Variants in SH3PXD2B observed in about 807,000 individuals in gnomAD.
The protein encoded by SH3PXD2B is SH3 and PX domains 2B.
A neutral mutation model predicts 73.1 loss-of-function variants in SH3PXD2B; 37 were observed. The ratio of observed to expected loss-of-function variants is 0.51; its 90% CI spans 0.39 to 0.67. The LOEUF is 0.67. Among genes scored for constraint, SH3PXD2B ranks in the 30% least tolerant of loss-of-function variants. The pLI, the probability that SH3PXD2B is intolerant of heterozygous loss-of-function variation, is 0.00. For synonymous variants in SH3PXD2B, 457 were observed against 480.5 expected, an observed-to-expected ratio of 0.95 and a Z score of 0.64; for missense variants, 1,053 against 1,197.8, an observed-to-expected ratio of 0.88 and a Z score of 1.78.
At chr5:172,413,207 TCC>T in intron 2 of SH3PXD2B, among the ~76,000 whole-genome samples, 1 of 152,208 alleles carries the variant, frequency 6.6e-6, no homozygotes, top group Non-Finnish European at 1.5e-5. Context: ...AGCCACAAGG[TCC>T]TGGGGCAGGG....
intron 2 of SH3PXD2B, among the ~76,000 whole-genome samples, chr5:172,420,954 C>T (rs1758952394): frequency 6.6e-6 from 1 of 152,142 alleles, no homozygotes. Flanking sequence ...GTGCCTGAAG[C>T]CTGGGAGATA....
At chr5:172,383,939 C>T (rs1241334252) in intron 4 of SH3PXD2B, among the ~76,000 whole-genome samples, 2 of 151,876 alleles carry the variant, frequency 1.3e-5, no homozygotes, top group African/African-American at 4.8e-5. Context: ...CTCTGCCTCC[C>T]GGGTTCAAGT....
intron 12 of SH3PXD2B, among the ~76,000 whole-genome samples, chr5:172,341,719 C>T (rs1297351465): frequency 2.0e-5 from 3 of 152,302 alleles, no homozygotes; most frequent in East Asian, 1.9e-4. Flanking sequence ...GGCACTATCT[C>T]GGCTCACTGC....
chr5:172,434,791 T>TTTTGTTTTCTTG (rs57552318), intron 1 of SH3PXD2B, among the ~76,000 whole-genome samples: 1 of 149,882 alleles, frequency 6.7e-6, no homozygotes, highest in Non-Finnish European at 1.5e-5. Flanking sequence ...GGTTTTTTTT[T>TTTTGTTTTCTTG]TTTTTTTTTT....
At chr5:172,410,661 C>T (rs755911313) in intron 2 of SH3PXD2B, among the ~76,000 whole-genome samples, 13 of 152,070 alleles carry the variant, frequency 8.5e-5, no homozygotes, top group Non-Finnish European at 1.6e-4. Flanking sequence ...ACTGAGCAAA[C>T]GCTTTGGGAG....
intron 12 of SH3PXD2B, among the ~76,000 whole-genome samples, chr5:172,327,408 G>T (rs1455760763): frequency 6.6e-6 from 1 of 152,154 alleles, no homozygotes; most frequent in Admixed American, 6.5e-5. Flanking sequence ...TTTGTCAGTG[G>T]TCTACAAAGT....
intron 8 of SH3PXD2B, among the ~76,000 whole-genome samples, chr5:172,357,170 T>C: frequency 7.5e-6 from 1 of 134,032 alleles, no homozygotes; most frequent in East Asian, 2.4e-4. Context: ...ATGCCTGTAA[T>C]CCCAGCATTT....
chr5:172,434,781 G>GGTTTTTTTTTTTTT (rs1759328495), intron 1 of SH3PXD2B, among the ~76,000 whole-genome samples: 8 of 81,476 alleles, frequency 9.8e-5, no homozygotes, highest in African/African-American at 3.3e-4. Context: ...AATGGCCAAT[G>GGTTTTTTTTTTTTT]GTTTTTTTTT....
At chr5:172,428,481 A>T (rs1049287367) in intron 1 of SH3PXD2B, among the ~76,000 whole-genome samples, 1 of 152,250 alleles carries the variant, frequency 6.6e-6, no homozygotes, top group Non-Finnish European at 1.5e-5. Context: ...CTGGTGGGGA[A>T]GCAAAATGCC....
At chr5:172,384,144 T>C (rs538821499) in intron 4 of SH3PXD2B, among the ~76,000 whole-genome samples, 4 of 152,220 alleles carry the variant, frequency 2.6e-5, no homozygotes, top group African/African-American at 9.6e-5. Context: ...GCGCCCGGCC[T>C]GTGTCTTGCA....
intron 4 of SH3PXD2B, among the ~76,000 whole-genome samples, chr5:172,382,636 T>C (rs1757975646): frequency 6.6e-6 from 1 of 152,306 alleles, no homozygotes; most frequent in East Asian, 1.9e-4. Context: ...AATATGTCCA[T>C]ATTTAGGCAA....
In SH3PXD2B at chr5:172,346,366, G is replaced by T. The variant is rs562240675; in HGVS notation, c.1063-105C>A. On this transcript the variant is annotated intron_variant, in intron 11 of 12. Transcript: ENST00000311601. ...GGGGCATGCAATCACCCTTAAGGGG[G>T]TGCTGGGGACCTAGTTGGATTCTAA... 2.2e-5 allele frequency: 34 copies of T among 1,559,728 alleles called. No homozygotes were observed. In the Admixed American group the frequency reaches 3.4e-4, roughly 16 times the overall value.
rs1759887395 is a variant in SH3PXD2B, at chr5:172,454,441, A to G, written c.-89T>C. 1.3e-6 allele frequency: 1 copy of G among 784,204 alleles called. No individual in the cohort carries two copies. The highest frequency in any genetic ancestry group is 1.6e-6 in the Non-Finnish European group (1 of 613,448). 48.6% of individuals were successfully genotyped at this position (784,204 alleles called of 1,614,324 possible). A position where few individuals can be genotyped will look rare whatever the true frequency, so the allele number is the denominator to read the frequency against. ...TGGGGGCGCGCCGCCGCGGGCAGGG[A>G]ACCTGGAGCTGAGCGCAATCGCAGC... On this transcript the variant is annotated 5_prime_UTR_variant, in exon 1 of 13. Coordinates refer to ENST00000311601, the MANE Select transcript of SH3PXD2B (RefSeq NM_001017995.3).
chr5:172,326,857 AT>A (rs1175095358), intron 12 of SH3PXD2B, among the ~76,000 whole-genome samples: 250 of 135,562 alleles, frequency 1.8e-3, no homozygotes, highest in African/African-American at 2.0e-3. Context: ...ATGTCTCAAG[AT>A]TTTTTTTTTT....
chr5:172,328,817 C>G (rs765261655), downstream of SH3PXD2B, among the ~76,000 whole-genome samples: 1 of 151,850 alleles, frequency 6.6e-6, no homozygotes, highest in Non-Finnish European at 1.5e-5. Context: ...GCTTCCTGCT[C>G]CCCTAAATAT....
At chr5:172,390,914 T>C (rs1344635592) in intron 4 of SH3PXD2B, among the ~76,000 whole-genome samples, 3 of 150,484 alleles carry the variant, frequency 2.0e-5, no homozygotes, top group African/African-American at 7.3e-5. Context: ...CGATCTCGGC[T>C]CACCGCAATC....
chr5:172,448,030 A>G (rs1487242541), intron 1 of SH3PXD2B, among the ~76,000 whole-genome samples: 1 of 152,186 alleles, frequency 6.6e-6, no homozygotes, highest in African/African-American at 2.4e-5. Context: ...TTCCCAATCC[A>G]AAGAAAGCAA....
At chr5:172,355,288 G>A (rs899489463) in intron 8 of SH3PXD2B, among the ~76,000 whole-genome samples, 4 of 152,202 alleles carry the variant, frequency 2.6e-5, no homozygotes, top group African/African-American at 7.2e-5. Flanking sequence ...CCTGCTCGGC[G>A]GGGGCCGAGC....
At chr5:172,387,605 TG>T (rs1479668905) in intron 4 of SH3PXD2B, among the ~76,000 whole-genome samples, 1 of 152,182 alleles carries the variant, frequency 6.6e-6, no homozygotes, top group Non-Finnish European at 1.5e-5. Context: ...CTCTAGAATG[TG>T]GTTGCATCTG....
Sources: allele counts gnomAD v4.1 joint callset (sites outside exome capture counted in the v4.1 genomes callset), GRCh38; gene constraint gnomAD v4.1.1; transcripts MANE v1.5; gene names NCBI Gene and HGNC (gene_info 2026-07-23, HGNC 2026-07-21).